SVIL: variants seen among roughly 807,000 people sequenced by gnomAD.
The protein encoded by SVIL is archvillin.
In SVIL, 101 loss-of-function variants were observed where a neutral mutation model predicts 240.4. The observed-to-expected ratio is 0.42, with a 90% CI of 0.36 to 0.50. SVIL has a LOEUF of 0.50. Ranked by LOEUF, SVIL falls within the 20% of genes least tolerant of loss-of-function variation. SVIL has a pLI of 0.01. For synonymous variants in SVIL, 999 were observed against 1,100.0 expected (o/e 0.91, Z 1.82); for missense variants, 2,512 against 2,818.7 (o/e 0.89, Z 2.46).
At chr10:29,548,604 T>G (rs1456486611) in intron 6 of SVIL, among the ~76,000 whole-genome samples, 2 of 152,208 alleles carry the variant, frequency 1.3e-5, no homozygotes, top group Non-Finnish European at 2.9e-5. Context: ...ATGGCTGATC[T>G]TCATAATGCG....
At chr10:29,534,606 G>A (rs905885320) in intron 7 of SVIL, among the ~76,000 whole-genome samples, 1 of 152,220 alleles carries the variant, frequency 6.6e-6, no homozygotes, top group African/African-American at 2.4e-5. Context: ...AAAAGCTACA[G>A]ACCTTTTTCC....
chr10:29,682,835 T>C (rs1960772771), intron 2 of SVIL, among the ~76,000 whole-genome samples: 1 of 152,178 alleles, frequency 6.6e-6, no homozygotes. Flanking sequence ...CCTGTCCTCA[T>C]AGAATGGTTA....
chr10:29,699,896 G>A (rs1962374676), intron 1 of SVIL, among the ~76,000 whole-genome samples: 1 of 152,156 alleles, frequency 6.6e-6, no homozygotes, highest in Non-Finnish European at 1.5e-5. Flanking sequence ...ACAGTGATTT[G>A]TATTCTAAAC....
intron 29 of SVIL, among the ~76,000 whole-genome samples, chr10:29,480,090 C>T (rs981741521): frequency 2.1e-4 from 32 of 152,210 alleles, no homozygotes; most frequent in African/African-American, 7.7e-4. Context: ...CTTTTCAAAT[C>T]AATCTTCTGT....
Position 29,532,164 on chromosome 10 carries a change from C to G in SVIL, c.1847G>C (p.Arg616Pro). 1 of 1,613,514 alleles carries G rather than the reference C, an allele frequency of 6.2e-7. No homozygotes were observed. Among genetic ancestry groups the G allele is most frequent in the Non-Finnish European group, 8.5e-7 (1 of 1,179,754 alleles). ...AGGTCCTTCAGCCGACCTCTCCACCCGTGATTTGCTTTGAGAATCAAAGGG... is the reference window on the plus strand; with the variant it reads ...AGGTCCTTCAGCCGACCTCTCCACCGGTGATTTGCTTTGAGAATCAAAGGG... ...NACRRPELKSRVERSAEGPGL... is the reference protein window; with the variant it reads ...NACRRPELKSPVERSAEGPGL... The change falls in exon 9 of 38, where the codon CGG (arginine) becomes CCG (proline). Residue 616 changes from arginine (R) to proline (P), a missense_variant. Coordinates refer to ENST00000355867, the MANE Select transcript of SVIL (RefSeq NM_021738.3).
intron 2 of SVIL, among the ~76,000 whole-genome samples, chr10:29,672,445 G>A (rs1240818987): frequency 2.0e-5 from 3 of 152,102 alleles, no homozygotes; most frequent in African/African-American, 7.2e-5. Context: ...CTGTGCTTCA[G>A]CCTGGGCGAC....
intron 2 of SVIL, among the ~76,000 whole-genome samples, chr10:29,672,856 C>T (rs997678382): frequency 2.0e-5 from 3 of 151,930 alleles, no homozygotes; most frequent in African/African-American, 7.3e-5. Flanking sequence ...GTTTATTTAT[C>T]TTTGTTTCTC....
At chr10:29,540,740 A>C (rs1347567046) in intron 6 of SVIL, among the ~76,000 whole-genome samples, 1 of 152,202 alleles carries the variant, frequency 6.6e-6, no homozygotes, top group Non-Finnish European at 1.5e-5. Context: ...CACAACCCTG[A>C]CTGGATGTGG....
intron 6 of SVIL, among the ~76,000 whole-genome samples, chr10:29,542,307 A>C (rs748052293): frequency 3.3e-5 from 5 of 152,218 alleles, no homozygotes; most frequent in Admixed American, 1.3e-4. Context: ...AGTTGCAGTG[A>C]AGGAGATATG....
intron 1 of SVIL, among the ~76,000 whole-genome samples, chr10:29,593,832 G>A (rs145405437): frequency 8.1e-4 from 123 of 152,280 alleles, no homozygotes; most frequent in African/African-American, 3.0e-3. Flanking sequence ...ACTGAGAAAT[G>A]CCCTTTTATT....
At chr10:29,515,385 T>G (rs933679299) in intron 16 of SVIL, among the ~76,000 whole-genome samples, 2 of 152,030 alleles carry the variant, frequency 1.3e-5, no homozygotes, top group African/African-American at 4.8e-5. Flanking sequence ...GTCAGTTTTA[T>G]CCTAATAAAA....
chr10:29,707,021 A>G (rs990159174), intron 1 of SVIL, among the ~76,000 whole-genome samples: 1 of 152,184 alleles, frequency 6.6e-6, no homozygotes, highest in Non-Finnish European at 1.5e-5. Flanking sequence ...TACCAGTACC[A>G]TGCTGTTTTG....
At chr10:29,696,710 T>G (rs1589532267) in intron 1 of SVIL, among the ~76,000 whole-genome samples, 1 of 142,978 alleles carries the variant, frequency 7.0e-6, no homozygotes, top group African/African-American at 2.6e-5. Flanking sequence ...GAGACCCTCC[T>G]CCTGGCAACC....
chr10:29,541,228 T>C (rs1243187553), intron 6 of SVIL, among the ~76,000 whole-genome samples: 22 of 152,196 alleles, frequency 1.4e-4, no homozygotes, highest in Admixed American at 1.4e-3. Flanking sequence ...AAATTAACAG[T>C]GGGAGATTTG....
chr10:29,500,524 C>T (rs1295348183), intron 17 of SVIL, among the ~76,000 whole-genome samples: 19 of 152,118 alleles, frequency 1.2e-4, no homozygotes, highest in African/African-American at 4.6e-4. Flanking sequence ...CTCTTGAACC[C>T]GAGGAAGGCT....
chr10:29,623,342 C>A (rs1957736598), intron 1 of SVIL, among the ~76,000 whole-genome samples: 1 of 152,206 alleles, frequency 6.6e-6, no homozygotes, highest in Non-Finnish European at 1.5e-5. Flanking sequence ...GCACTTGCTA[C>A]CAGTGGCTAG....
chr10:29,674,153 A>T (rs1034594524), intron 2 of SVIL, among the ~76,000 whole-genome samples: 1 of 152,032 alleles, frequency 6.6e-6, no homozygotes, highest in Non-Finnish European at 1.5e-5. Context: ...CAACATAGCA[A>T]GACCTGATTT....
rs1467757164 is a variant in SVIL, at chr10:29,530,595, A to G, written c.2106+12T>C. The G allele has an allele frequency of 3.7e-6, 6 of 1,614,012 alleles. No homozygotes were observed. Among genetic ancestry groups the G allele is most frequent in the Non-Finnish European group, 5.1e-6 (6 of 1,180,000 alleles). On this transcript the variant is annotated intron_variant, in intron 11 of 37. Coordinates refer to ENST00000355867, the MANE Select transcript of SVIL (RefSeq NM_021738.3). ...GTAGGGATCTCTATTCAAGCACGTC[A>G]GCACAGCTTACCCTGAAAAGCAACC...
chr10:29,505,499 A>G (rs929158694), intron 17 of SVIL, among the ~76,000 whole-genome samples: 2 of 152,144 alleles, frequency 1.3e-5, no homozygotes, highest in Non-Finnish European at 2.9e-5. Flanking sequence ...ACAGTAAAAA[A>G]TGACCGGTTG....
Sources: allele counts gnomAD v4.1 joint callset (sites outside exome capture counted in the v4.1 genomes callset), GRCh38; gene constraint gnomAD v4.1.1; transcripts MANE v1.5; gene names NCBI Gene and HGNC (gene_info 2026-07-23, HGNC 2026-07-21).